Variants in MRTFA observed in about 807,000 individuals in gnomAD.
MRTFA encodes myocardin-related transcription factor A.
Under a neutral mutation model 83.5 loss-of-function variants are expected in MRTFA, and 20 were observed. The observed-to-expected ratio is 0.24, with a 90% CI of 0.17 to 0.35. MRTFA has a LOEUF of 0.35. Among genes scored for constraint, MRTFA ranks in the 10% least tolerant of loss-of-function variants. The pLI, the probability that MRTFA is intolerant of heterozygous loss-of-function variation, is 1.00. For synonymous variants in MRTFA, 659 were observed against 541.2 expected (o/e 1.22, Z -3.02); for missense variants, 1,200 against 1,224.7 (o/e 0.98, Z 0.30).
chr22:40,575,067 G>A (rs904064113), intron 2 of MRTFA, among the ~76,000 whole-genome samples: 3 of 152,152 alleles, frequency 2.0e-5, no homozygotes, highest in African/African-American at 7.2e-5. Context: ...CATGGGCTTA[G>A]GTTCAAATTC....
rs116932292 is a variant in MRTFA at position 40,631,168 on chromosome 22, G to A, written c.-84+5310C>T. On this transcript the variant is annotated intron_variant, in intron 1 of 14. Coordinates refer to ENST00000355630, the MANE Select transcript of MRTFA (RefSeq NM_020831.6). ...GTAAAATAAAAATTATCTAGATGTA[G>A]GTACTTGACATAGAAAAATTGATGG... Among the ~76,000 whole-genome samples, 774 of 152,258 alleles carry A rather than the reference G, an allele frequency of 5.1e-3. 4 individuals carry two copies. The highest frequency in any genetic ancestry group is 8.1e-3 in the Non-Finnish European group (553 of 68,026).
At chr22:40,450,092 A>AT (rs1253031939) in intron 4 of MRTFA, among the ~76,000 whole-genome samples, 1 of 152,104 alleles carries the variant, frequency 6.6e-6, no homozygotes, top group Non-Finnish European at 1.5e-5. Context: ...ATTAGATAGG[A>AT]TTTTTCTTAG....
At chr22:40,449,107 T>C (rs1279733972) in intron 4 of MRTFA, among the ~76,000 whole-genome samples, 3 of 151,438 alleles carry the variant, frequency 2.0e-5, no homozygotes, top group Admixed American at 1.3e-4. Context: ...CTACTAAAAA[T>C]ACAAAAACAA....
At chr22:40,535,207 G>A (rs1205550747) in intron 3 of MRTFA, among the ~76,000 whole-genome samples, 1 of 152,100 alleles carries the variant, frequency 6.6e-6, no homozygotes, top group Non-Finnish European at 1.5e-5. Context: ...GGAAAAACGG[G>A]TAAATTTCAA....
intron 4 of MRTFA, among the ~76,000 whole-genome samples, chr22:40,442,334 C>CT (rs1331070380): frequency 6.6e-6 from 1 of 152,198 alleles, no homozygotes; most frequent in Non-Finnish European, 1.5e-5. Context: ...ACATAATACA[C>CT]TTAATAGAGG....
At chr22:40,513,802 G>T (rs571405286) in intron 3 of MRTFA, among the ~76,000 whole-genome samples, 16 of 151,952 alleles carry the variant, frequency 1.1e-4, no homozygotes, top group Non-Finnish European at 2.2e-4. Flanking sequence ...TCCTTAATAA[G>T]AGACAACTTT....
intron 14 of MRTFA, 91 bp from the exon 15 acceptor site, chr22:40,411,998 A>AC: frequency 9.0e-7 from 1 of 1,116,022 alleles, no homozygotes; most frequent in Non-Finnish European, 1.2e-6. Context: ...CCAACGTCAC[A>AC]CCATTTACAA....
chr22:40,523,067 T>C (rs1222511188), intron 3 of MRTFA: 2 of 152,032 alleles, frequency 1.3e-5, no homozygotes, highest in African/African-American at 4.8e-5. Flanking sequence ...CAGTTAAACA[T>C]TCTAGAATGC....
chr22:40,521,278 G>A (rs923106926), intron 3 of MRTFA, among the ~76,000 whole-genome samples: 2 of 151,974 alleles, frequency 1.3e-5, no homozygotes, highest in Non-Finnish European at 1.5e-5. Context: ...ACCATCCACA[G>A]GCCCTGACAA....
chr22:40,578,630 AG>A (rs886527020), intron 2 of MRTFA, among the ~76,000 whole-genome samples: 1 of 152,110 alleles, frequency 6.6e-6, no homozygotes, highest in Admixed American at 6.6e-5. Flanking sequence ...TTAGAAAAGT[AG>A]CGAGTTGAGG....
chr22:40,489,831 T>C (rs1358541402), intron 3 of MRTFA, among the ~76,000 whole-genome samples: 1 of 151,762 alleles, frequency 6.6e-6, no homozygotes, highest in Non-Finnish European at 1.5e-5. Flanking sequence ...ATTCAAAAAT[T>C]AGCCAGGTGT....
At chr22:40,423,813 G>A in intron 8 of MRTFA, 128 bp from the exon 9 acceptor site, 1 of 889,420 alleles carries the variant, frequency 1.1e-6, no homozygotes, top group Admixed American at 3.5e-5. Context: ...AGAGACCGGA[G>A]GAGGAGAAGA....
chr22:40,512,394 A>G (rs1003161296), intron 3 of MRTFA, among the ~76,000 whole-genome samples: 1 of 152,230 alleles, frequency 6.6e-6, no homozygotes, highest in African/African-American at 2.4e-5. Flanking sequence ...TCCTAACAGA[A>G]GCATTAAATT....
intron 4 of MRTFA, among the ~76,000 whole-genome samples, chr22:40,442,631 C>A (rs1396420337): frequency 6.8e-6 from 1 of 146,240 alleles, no homozygotes; most frequent in Non-Finnish European, 1.5e-5. Flanking sequence ...GGGTCCCAGT[C>A]CTCAAAAAGA....
At chr22:40,531,669 T>C (rs2147276769) in intron 3 of MRTFA, among the ~76,000 whole-genome samples, 1 of 152,332 alleles carries the variant, frequency 6.6e-6, no homozygotes, top group East Asian at 1.9e-4. Context: ...CATGTTTATC[T>C]ACTGATAAAG....
At position 40,449,274 on chromosome 22, in the gene MRTFA, GAAAAAAAAA is replaced by G. The variant is rs35140973; in HGVS notation, c.308-13729_308-13721del. Among the ~76,000 whole-genome samples, 645 of 88,002 alleles carry G rather than the reference GAAAAAAAAA, an allele frequency of 7.3e-3. 7 individuals carry two copies. Among genetic ancestry groups the G allele is most frequent in the African/African-American group, 0.029 (622 of 21,464 alleles). The allele number at this position is 88,002 out of a possible 152,430, so 57.7% of individuals were successfully genotyped here. Reference sequence around the variant, plus strand: ...AGAACGAGACTCGGTCTCCAAACGAGAAAAAAAAAAAAAAAAAGAAAAGAAAAGAACGGA... The same window carrying G: ...AGAACGAGACTCGGTCTCCAAACGAGAAAAAAAAGAAAAGAAAAGAACGGA... On this transcript the variant is annotated intron_variant, in intron 4 of 14. Transcript: ENST00000355630.
intron 1 of MRTFA, among the ~76,000 whole-genome samples, chr22:40,598,540 T>C (rs1044358144): frequency 3.3e-5 from 5 of 152,292 alleles, no homozygotes; most frequent in South Asian, 4.2e-4. Flanking sequence ...AGCCAGAATC[T>C]GATTACTAGT....
intron 1 of MRTFA, among the ~76,000 whole-genome samples, chr22:40,610,660 T>C (rs945078310): frequency 5.9e-5 from 9 of 152,166 alleles, no homozygotes; most frequent in Non-Finnish European, 8.8e-5. Context: ...TTATTCAGCT[T>C]CATACTAGGA....
At chr22:40,420,785 AC>A (rs2147073454) in intron 10 of MRTFA, 61 bp downstream of exon 10, 1 of 1,600,950 alleles carries the variant, frequency 6.2e-7, no homozygotes, top group Non-Finnish European at 8.5e-7. Context: ...CAGACCTGGC[AC>A]CTGCCTGGCT....
Sources: allele counts gnomAD v4.1 joint callset (sites outside exome capture counted in the v4.1 genomes callset), GRCh38; gene constraint gnomAD v4.1.1; transcripts MANE v1.5; gene names NCBI Gene and HGNC (gene_info 2026-07-23, HGNC 2026-07-21).